The following CBFB variants were observed in gnomAD, a reference collection of about 807,000 sequenced individuals.
CBFB encodes core-binding factor subunit beta.
A neutral mutation model predicts 30.4 loss-of-function variants in CBFB; 9 were observed. The ratio of observed to expected loss-of-function variants is 0.30; its 90% confidence interval spans 0.18 to 0.52. CBFB has a LOEUF of 0.52. Among genes scored for constraint, CBFB ranks in the 20% least tolerant of loss-of-function variants. The pLI, the probability that CBFB is intolerant of heterozygous loss-of-function variation, is 0.97. For missense variants in CBFB, 170 were observed against 244.0 expected (o/e 0.70, Z 2.02); for synonymous variants, 94 against 84.0 (o/e 1.12, Z -0.65).
At chr16:67,089,207 T>C (rs1389290828) in intron 5 of CBFB, among the ~76,000 whole-genome samples, 1 of 152,196 alleles carries the variant, frequency 6.6e-6, no homozygotes, top group Non-Finnish European at 1.5e-5. Context: ...AATACTCTTG[T>C]CATTGATATA....
intron 4 of CBFB, among the ~76,000 whole-genome samples, chr16:67,078,269 T>TG (rs1384280966): frequency 2.0e-5 from 3 of 152,200 alleles, no homozygotes; most frequent in Non-Finnish European, 4.4e-5. Context: ...CAAGACAAGC[T>TG]GGGCACGGTG....
intron 3 of CBFB, among the ~76,000 whole-genome samples, 172 bp downstream of exon 3, chr16:67,036,927 T>G (rs563389030): frequency 2.6e-5 from 4 of 152,224 alleles, no homozygotes; most frequent in Admixed American, 1.3e-4. Context: ...TAATGGCGTT[T>G]CGCTCTTGTT....
chr16:67,043,870 A>G (rs1966577516), intron 3 of CBFB, among the ~76,000 whole-genome samples: 2 of 152,224 alleles, frequency 1.3e-5, no homozygotes, highest in Non-Finnish European at 2.9e-5. Context: ...CACGTCAGGT[A>G]GTTGAACAAT....
chr16:67,029,854 C>G (rs776987126), intron 2 of CBFB, 41 bp downstream of exon 2: 7 of 1,455,882 alleles, frequency 4.8e-6, no homozygotes, highest in Non-Finnish European at 6.5e-6. Flanking sequence ...TCACTTGTTG[C>G]GCGGGGCCGC....
intron 3 of CBFB, among the ~76,000 whole-genome samples, chr16:67,064,742 T>A (rs770384964): frequency 1.6e-4 from 25 of 152,222 alleles, no homozygotes; most frequent in Non-Finnish European, 3.4e-4. Flanking sequence ...AATTTGGGTA[T>A]GATGTATACC....
intron 2 of CBFB, among the ~76,000 whole-genome samples, chr16:67,032,745 T>A (rs1169545317): frequency 1.3e-5 from 2 of 152,268 alleles, no homozygotes; most frequent in Non-Finnish European, 2.9e-5. Flanking sequence ...CCTATTTGGC[T>A]GTGGAAAAAG....
chr16:67,072,074 TATATC>T (rs1434116860), intron 4 of CBFB, among the ~76,000 whole-genome samples: 37 of 152,298 alleles, frequency 2.4e-4, no homozygotes, highest in African/African-American at 4.1e-4. Flanking sequence ...TGGTTAATGT[TATATC>T]ATTCATAATG....
At chr16:67,098,458 A>G (rs1962119515) in intron 5 of CBFB, among the ~76,000 whole-genome samples, 2 of 152,112 alleles carry the variant, frequency 1.3e-5, no homozygotes. Context: ...GTTATTTCTT[A>G]TGTAGTACAT....
chr16:67,032,091 C>G (rs1246563927), intron 2 of CBFB, among the ~76,000 whole-genome samples: 1 of 152,120 alleles, frequency 6.6e-6, no homozygotes, highest in African/African-American at 2.4e-5. Flanking sequence ...TCAGACTTTG[C>G]TGAATGGAAT....
chr16:67,035,434 A>G (rs1041019295), intron 2 of CBFB, among the ~76,000 whole-genome samples: 3 of 152,166 alleles, frequency 2.0e-5, no homozygotes, highest in African/African-American at 7.2e-5. Context: ...TTCAGTTTCT[A>G]TGGATATAAA....
chr16:67,063,257 TG>T, intron 3 of CBFB, among the ~76,000 whole-genome samples: 1 of 152,260 alleles, frequency 6.6e-6, no homozygotes, highest in African/African-American at 2.4e-5. Flanking sequence ...CGGTTTCAGT[TG>T]TAACTAAAGA....
At chr16:67,052,317 C>G (rs1039125062) in intron 3 of CBFB, among the ~76,000 whole-genome samples, 2 of 152,144 alleles carry the variant, frequency 1.3e-5, no homozygotes, top group Non-Finnish European at 2.9e-5. Context: ...TGCCTGTAAT[C>G]CTAGCACTTT....
At position 67,098,768 on chromosome 16, in the gene CBFB, A is replaced by G; in HGVS notation, c.554A>G (p.Lys185Arg). Residue 185 changes from lysine (K) to arginine (R), a missense_variant, in exon 6 of 6, where the codon AAA becomes AGA. By Grantham distance (26) the Lys-to-Arg change is conservative (BLOSUM62 2). Coordinates refer to ENST00000412916, the MANE Select transcript of CBFB (RefSeq NM_022845.3). ...AATTTAGGTGGTGGTGATGACCTCA[A>G]ACTTCGTTAATTAATAGCACAGCAG... Reference protein sequence around the residue: ...GSNLGGGDDLKLR With the variant: ...GSNLGGGDDLRLR The G allele has an allele frequency of 2.5e-6, 4 of 1,592,696 alleles. No homozygotes were observed. Among genetic ancestry groups the G allele is most frequent in the Non-Finnish European group, 3.4e-6 (4 of 1,160,584 alleles).
At chr16:67,082,180 A>G (rs766061366) in intron 4 of CBFB, 33 bp from the exon 5 acceptor site, 11 of 1,467,760 alleles carry the variant, frequency 7.5e-6, no homozygotes, top group Non-Finnish European at 1.0e-5. Flanking sequence ...TTATAAATCA[A>G]AATTAAAATA....
intron 3 of CBFB, among the ~76,000 whole-genome samples, chr16:67,061,634 A>G (rs955160519): frequency 6.6e-6 from 1 of 152,244 alleles, no homozygotes; most frequent in East Asian, 1.9e-4. Context: ...AGATGTACAC[A>G]TAAAACTGTA....
intron 3 of CBFB, among the ~76,000 whole-genome samples, chr16:67,058,128 G>GGTGGTTGTT (rs368391158): frequency 2.5e-4 from 38 of 151,438 alleles, no homozygotes; most frequent in South Asian, 4.2e-4. Context: ...TATTCAAATC[G>GGTGGTTGTT]GTTGTTGTTG....
intron 2 of CBFB, among the ~76,000 whole-genome samples, chr16:67,031,613 C>T (rs1279022449): frequency 3.3e-5 from 5 of 152,184 alleles, no homozygotes; most frequent in Non-Finnish European, 7.3e-5. Flanking sequence ...TGGGTTAAAG[C>T]GATTCTCCTG....
Position 67,092,696 on chromosome 16 carries a change from A to ATTTTTTTTTTTTTTTTTT in CBFB, c.496-6013_496-6012insTTTTTTTTTTTTTTTTTT, listed in dbSNP as rs1162307047. ...ACCCAGGCTAGGTTACAGTGGTGCA[A>ATTTTTTTTTTTTTTTTTT]TCTTTTTTTTTTTTTTTTTTTTTTT... On this transcript the variant is annotated intron_variant, in intron 5 of 5. Transcript: ENST00000412916. Among the ~76,000 whole-genome samples, 35 of 94,660 alleles carry ATTTTTTTTTTTTTTTTTT rather than the reference A, an allele frequency of 3.7e-4. 1 individual carries two copies. The highest frequency in any genetic ancestry group is 9.9e-4 in the African/African-American group (21 of 21,126). 62.1% of individuals were successfully genotyped at this position (94,660 alleles called of 152,430 possible). A position where few individuals can be genotyped will look rare whatever the true frequency, so the allele number is the denominator to read the frequency against.
chr16:67,092,672 C>G (rs1379669927), intron 5 of CBFB, among the ~76,000 whole-genome samples: 1 of 145,558 alleles, frequency 6.9e-6, no homozygotes, highest in Non-Finnish European at 1.5e-5. Flanking sequence ...CATTCTGTCA[C>G]CCAGGCTAGG....
Sources: gnomAD v4.1 joint callset for allele counts (sites outside exome capture counted in the v4.1 genomes callset) on GRCh38, gnomAD v4.1.1 for gene constraint, MANE v1.5 for transcripts, NCBI Gene and HGNC (gene_info 2026-07-23, HGNC 2026-07-21) for gene names.